SLC37A1: variants seen among roughly 807,000 people sequenced by gnomAD.
SLC37A1 encodes glucose-6-phosphate exchanger SLC37A1.
SLC37A1 carries 49 observed loss-of-function variants against 75.3 expected under a neutral mutation model. The ratio of observed to expected loss-of-function variants is 0.65; its 90% confidence interval spans 0.52 to 0.83. The LOEUF is 0.83. Among genes scored for constraint, SLC37A1 ranks in the 40% least tolerant of loss-of-function variants. The probability of loss-of-function intolerance (pLI) is 0.00; values close to 1 mark genes in which losing one functional copy is unlikely to be tolerated. For synonymous variants in SLC37A1, 268 were observed against 292.1 expected, an observed-to-expected ratio of 0.92 and a Z score of 0.84; for missense variants, 566 against 695.0, an observed-to-expected ratio of 0.81 and a Z score of 2.09.
Position 42,559,023 on chromosome 21 carries a change from C to T in SLC37A1, c.915C>T (p.Val305=). The T allele has an allele frequency of 6.2e-7, 1 of 1,613,976 alleles. No individual in the cohort carries two copies. The highest frequency in any genetic ancestry group is 8.5e-7 in the Non-Finnish European group (1 of 1,179,954). The change falls in exon 11 of 20, where the codon GTC becomes GTT. Residue 305 remains valine, a synonymous_variant. Coordinates refer to ENST00000352133, the MANE Select transcript of SLC37A1 (RefSeq NM_001320537.2). ...GCTCCATCCACCCGAACCACGTCGT[C>T]ATTCTCCCCGGGGACGGTGGGAGTG... is the stretch of plus-strand genomic sequence containing the variant. ...GKGSIHPNHV[V]ILPGDGGSGT...
In SLC37A1 at chr21:42,577,955, C is replaced by T. The variant is rs564929993; in HGVS notation, c.1522-1781C>T. Among the ~76,000 whole-genome samples the T allele has an allele frequency of 1.3e-4, 20 of 152,340 alleles. No individual in the cohort carries two copies. The East Asian group carries it at 2.9e-3, about 22-fold the overall frequency. ...AAGCACTTGGGAGACGGGGGCTTGT[C>T]GCAGTGGAGAAGGAACTATACCAGG... is the stretch of plus-strand genomic sequence containing the variant. On this transcript the variant is annotated intron_variant, in intron 18 of 19. Transcript: ENST00000352133.
Position 42,534,806 on chromosome 21 carries a change from A to G in SLC37A1, c.247A>G (p.Thr83Ala), listed in dbSNP as rs896828712. Residue 83 changes from threonine (T) to alanine (A), a missense_variant, in exon 4 of 20, where the codon ACC (threonine) becomes GCC (alanine). Transcript: ENST00000352133. ...CCCCCACCAGCTCCCTGACAATGAG[A>G]CCGACTGTGGCTGGGCACCGTTTGG... ...AAPHQLPDNE[T>A]DCGWAPFDKN... The G allele has an allele frequency of 1.2e-6, 2 of 1,613,694 alleles. No individual in the cohort carries two copies. The highest frequency in any genetic ancestry group is 1.1e-5 in the South Asian group (1 of 91,030).
At position 42,552,638 on chromosome 21, in the gene SLC37A1, A is replaced by T. The variant is rs556407677; in HGVS notation, c.769-1424A>T. Among the ~76,000 whole-genome samples, 3 of 152,378 alleles carry T rather than the reference A, an allele frequency of 2.0e-5. No individual in the cohort carries two copies. The highest frequency in any genetic ancestry group is 7.2e-5 in the African/African-American group (3 of 41,590). ...CCATTACATCTGTATTCCAGCCAGC[A>T]GGAAGGAGGGAAAGGACATTAGGGA... On this transcript the variant is annotated intron_variant, in intron 9 of 19. Coordinates refer to ENST00000352133, the MANE Select transcript of SLC37A1 (RefSeq NM_001320537.2). This position sits in a 1 kb window ranked among gnomAD's most constrained non-coding sequence, Gnocchi z 4.2.
intron 5 of SLC37A1, 33 bp from the exon 6 acceptor site, chr21:42,539,479 A>G (rs776717835): frequency 1.3e-5 from 20 of 1,589,560 alleles, no homozygotes; most frequent in African/African-American, 4.1e-5. Context: ...CGTGTTTGTT[A>G]TTCCTATTTG....
Position 42,535,543 on chromosome 21 carries a change from T to A in SLC37A1, c.343T>A (p.Tyr115Asn), listed in dbSNP as rs1263323684. 8.1e-6 allele frequency: 13 copies of A among 1,614,026 alleles called. No individual in the cohort carries two copies. The Admixed American group carries it at 1.3e-4, about 17-fold the overall frequency. The change falls in exon 5 of 20, where the codon TAC becomes AAC. Residue 115 changes from tyrosine (Y) to asparagine (N), a missense_variant. Transcript: ENST00000352133. ...SFLCAYAVGM[Y>N]LSGIIGERLP... is the part of the protein sequence containing the mutation. ...CCTGTGCGCCTATGCCGTGGGGATG[T>A]ACCTCAGGTAGGTCTCCTTCAGTTT...
rs191783771 is a variant in SLC37A1 at position 42,554,421 on chromosome 21, G to A, written c.849+279G>A. ...TGTTGGGGGCGGTGCTGGTGTAGAC[G>A]GAACGCAGGCAGAGACATCCCCCAA... is the stretch of plus-strand genomic sequence containing the variant. On this transcript the variant is annotated intron_variant, in intron 10 of 19. Coordinates refer to ENST00000352133, the MANE Select transcript of SLC37A1 (RefSeq NM_001320537.2). 6.8e-4 allele frequency among the ~76,000 whole-genome samples: 103 copies of A among 152,240 alleles called. 1 individual carries two copies. The highest frequency in any genetic ancestry group is 2.4e-3 in the African/African-American group (101 of 41,538).
intron 7 of SLC37A1, 41 bp downstream of exon 7, chr21:42,542,521 T>G: frequency 6.3e-7 from 1 of 1,593,862 alleles, no homozygotes; most frequent in Non-Finnish European, 8.6e-7. Context: ...AGATGAAAAC[T>G]AGACCATTTT....
chr21:42,544,886 C>T (rs534125387), intron 8 of SLC37A1, among the ~76,000 whole-genome samples: 34 of 152,180 alleles, frequency 2.2e-4, no homozygotes, highest in Non-Finnish European at 4.7e-4. Context: ...TCTTTGTTAG[C>T]GCACAGGGGC....
chr21:42,556,345 G>C (rs768610400), intron 10 of SLC37A1, among the ~76,000 whole-genome samples: 2 of 152,216 alleles, frequency 1.3e-5, no homozygotes, highest in Non-Finnish European at 2.9e-5. Context: ...AGCACGGAGT[G>C]GGTATTTGGA....
intron 3 of SLC37A1, among the ~76,000 whole-genome samples, chr21:42,530,186 A>C (rs1370912320): frequency 6.6e-6 from 1 of 152,214 alleles, no homozygotes; most frequent in African/African-American, 2.4e-5. Flanking sequence ...AAACATTTCC[A>C]GGAGGTACTT....
rs2054345447 is a variant in SLC37A1 at position 42,501,920 on chromosome 21, T to C, written c.-300-376T>C. Among the ~76,000 whole-genome samples, 4 of 152,012 alleles carry C rather than the reference T, an allele frequency of 2.6e-5. No homozygotes were observed. The South Asian group carries it at 8.3e-4, about 32-fold the overall frequency. On this transcript the variant is annotated intron_variant, in intron 1 of 20. Coordinates refer to the SLC37A1 transcript ENST00000398341. ...GGCTGTACTTTTCAAGGTCTAAGGGTGGATCAGATTTTCTAGAAAAGGGAC... is the reference window on the plus strand; with the variant it reads ...GGCTGTACTTTTCAAGGTCTAAGGGCGGATCAGATTTTCTAGAAAAGGGAC...
At chr21:42,557,831 G>A (rs568812048) in intron 10 of SLC37A1, among the ~76,000 whole-genome samples, 60 of 151,556 alleles carry the variant, frequency 4.0e-4, no homozygotes, top group Middle Eastern at 6.8e-3. Flanking sequence ...CTTATAACAG[G>A]TTATAGTGAG....
At chr21:42,529,350 A>G (rs1348541670) in intron 3 of SLC37A1, among the ~76,000 whole-genome samples, 1 of 152,104 alleles carries the variant, frequency 6.6e-6, no homozygotes, top group Non-Finnish European at 1.5e-5. Context: ...CAGGTGGATT[A>G]CCTGAGGTCA....
At position 42,580,702 on chromosome 21, in the gene SLC37A1, C is replaced by T. The variant is rs75765366; in HGVS notation, c.*342C>T. ...GAGGGTGGGGGGGGTGCACAGGTAG[C>T]CCCGACCCTCTCAGGCATTCCAGCC... On this transcript the variant is annotated 3_prime_UTR_variant, in exon 20 of 20. Transcript: ENST00000352133. 1,177 of 405,406 alleles carry T rather than the reference C, an allele frequency of 2.9e-3. 16 individuals are homozygous for T. The highest frequency in any genetic ancestry group is 0.022 in the African/African-American group (1,081 of 48,764). 25.1% of individuals were successfully genotyped at this position (405,406 alleles called of 1,614,324 possible).
intron 5 of SLC37A1, among the ~76,000 whole-genome samples, chr21:42,537,754 G>C (rs1411037711): frequency 6.6e-6 from 1 of 152,194 alleles, no homozygotes; most frequent in East Asian, 1.9e-4. Context: ...TATGCAACTT[G>C]TCAGTAAGGT....
chr21:42,518,144 T>G, intron 1 of SLC37A1, 133 bp from the exon 2 acceptor site: 1 of 359,454 alleles, frequency 2.8e-6, no homozygotes, highest in Non-Finnish European at 5.3e-6. Flanking sequence ...TGGGGGCCCC[T>G]GCTTGTATCA....
intron 3 of SLC37A1, among the ~76,000 whole-genome samples, chr21:42,531,853 C>T (rs1256742680): frequency 1.8e-4 from 28 of 152,176 alleles, no homozygotes; most frequent in Admixed American, 1.8e-3. Flanking sequence ...TATGAAATCT[C>T]GATGGCTTTG....
chr21:42,565,765 C>T, intron 14 of SLC37A1, 62 bp from the exon 15 acceptor site: 6 of 1,483,206 alleles, frequency 4.0e-6, no homozygotes, highest in African/African-American at 1.4e-5. Flanking sequence ...AAGTAGATTT[C>T]CAGCAATCTC....
intron 11 of SLC37A1, chr21:42,561,433 C>A (rs925315206): frequency 2.0e-5 from 3 of 149,278 alleles, no homozygotes; most frequent in African/African-American, 2.8e-5. Context: ...CTGTAGTACT[C>A]ACAAGGCGGG....
Sources: gnomAD v4.1 joint callset for allele counts (sites outside exome capture counted in the v4.1 genomes callset) on GRCh38, gnomAD v4.1.1 for gene constraint, Gnocchi (gnomAD v3.1) non-coding constraint, MANE v1.5 for transcripts, NCBI Gene and HGNC (gene_info 2026-07-23, HGNC 2026-07-21) for gene names.